Variants in SDCCAG8 observed in about 807,000 individuals in gnomAD.
SDCCAG8 encodes serologically defined colon cancer antigen 8.
In SDCCAG8, 74 loss-of-function variants were observed where a neutral mutation model predicts 101.8. The observed-to-expected ratio is 0.73, with a 90% CI of 0.60 to 0.88. The LOEUF is 0.88. Among genes scored for constraint, SDCCAG8 ranks in the 40% least tolerant of loss-of-function variants. The pLI is 0.00. For synonymous variants in SDCCAG8, 281 were observed against 292.9 expected (o/e 0.96, Z 0.41); for missense variants, 787 against 822.6 (o/e 0.96, Z 0.53).
intron 10 of SDCCAG8, among the ~76,000 whole-genome samples, chr1:243,339,543 G>A (rs1004691534): frequency 7.2e-5 from 11 of 152,242 alleles, no homozygotes; most frequent in Admixed American, 6.5e-5. Context: ...CTAATTGTAT[G>A]TGAAAATTAG....
At chr1:243,477,033 C>CACACACACACACACACAGAG (rs942231630) in intron 16 of SDCCAG8, among the ~76,000 whole-genome samples, 1 of 150,320 alleles carries the variant, frequency 6.7e-6, no homozygotes, top group African/African-American at 2.5e-5. Context: ...CACACACACA[C>CACACACACACACACACAGAG]AGAGAGAAAG....
chr1:243,349,750 A>C (rs1283555600), intron 12 of SDCCAG8, among the ~76,000 whole-genome samples: 2 of 151,798 alleles, frequency 1.3e-5, no homozygotes, highest in Non-Finnish European at 2.9e-5. Flanking sequence ...ATACCGTATG[A>C]TTTTATATTT....
chr1:243,487,522 G>T (rs1356582394), intron 16 of SDCCAG8, among the ~76,000 whole-genome samples: 1 of 152,164 alleles, frequency 6.6e-6, no homozygotes, highest in Non-Finnish European at 1.5e-5. Flanking sequence ...ACTCCTACTT[G>T]GATGGAGGAT....
intron 1 of SDCCAG8, among the ~76,000 whole-genome samples, chr1:243,262,256 C>A (rs2067252487): frequency 6.8e-6 from 1 of 148,120 alleles, no homozygotes; most frequent in Non-Finnish European, 1.5e-5. Context: ...ACAGGTGCCA[C>A]CACCACGCCC....
intron 12 of SDCCAG8, among the ~76,000 whole-genome samples, chr1:243,367,522 C>G (rs559890556): frequency 1.3e-5 from 2 of 151,894 alleles, no homozygotes; most frequent in Non-Finnish European, 2.9e-5. Context: ...TACCTTTACA[C>G]TGGTGACTTT....
chr1:243,262,459 A>G (rs776928391), intron 1 of SDCCAG8, among the ~76,000 whole-genome samples: 2 of 152,190 alleles, frequency 1.3e-5, no homozygotes, highest in African/African-American at 2.4e-5. Context: ...TTTTACTAGA[A>G]CTTAAAAGTA....
intron 10 of SDCCAG8, among the ~76,000 whole-genome samples, chr1:243,334,733 G>A (rs2074877692): frequency 6.6e-6 from 1 of 152,170 alleles, no homozygotes; most frequent in Non-Finnish European, 1.5e-5. Flanking sequence ...TGGGACTAGA[G>A]AGGTGTGCCA....
At position 243,474,087 on chromosome 1, in the gene SDCCAG8, AT is replaced by A. The variant is rs1661843169; in HGVS notation, c.1986-14924del. ...GATTTTTTTTTTCCTGTTTATTAAA[AT>A]TTGAGTCCTTCATGATCACTGACAA... On this transcript the variant is annotated intron_variant, in intron 16 of 17. Coordinates refer to ENST00000366541, the MANE Select transcript of SDCCAG8 (RefSeq NM_006642.5). This position sits in a 1 kb window ranked among gnomAD's most constrained non-coding sequence, Gnocchi z 4.7. Among the ~76,000 whole-genome samples the A allele has an allele frequency of 6.6e-6, 1 of 152,262 alleles. No individual in the cohort carries two copies. The highest frequency in any genetic ancestry group is 1.9e-4 in the East Asian group (1 of 5,182).
At chr1:243,308,329 C>A in intron 8 of SDCCAG8, 152 bp downstream of exon 8, 1 of 918,082 alleles carries the variant, frequency 1.1e-6, no homozygotes, top group Non-Finnish European at 1.7e-6. Flanking sequence ...TTCATTATAG[C>A]TTCCTTGAAG....
chr1:243,372,513 C>A (rs1350251271), intron 12 of SDCCAG8, among the ~76,000 whole-genome samples: 1 of 151,888 alleles, frequency 6.6e-6, no homozygotes, highest in Non-Finnish European at 1.5e-5. Flanking sequence ...GCATTCATTT[C>A]TTTGGATATT....
intron 2 of SDCCAG8, among the ~76,000 whole-genome samples, chr1:243,270,723 C>T (rs1444424474): frequency 1.3e-5 from 2 of 152,138 alleles, no homozygotes; most frequent in African/African-American, 4.8e-5. Context: ...CTTCTTGTAG[C>T]ACTGTGCATA....
intron 8 of SDCCAG8, among the ~76,000 whole-genome samples, 174 bp from the exon 9 acceptor site, chr1:243,316,581 G>A (rs1280827825): frequency 6.6e-6 from 1 of 152,176 alleles, no homozygotes; most frequent in Non-Finnish European, 1.5e-5. Context: ...TGCTCCGCCC[G>A]CCGCTCGCCA....
intron 13 of SDCCAG8, among the ~76,000 whole-genome samples, chr1:243,414,900 G>A (rs1329339471): frequency 1.3e-5 from 2 of 150,998 alleles, no homozygotes; most frequent in Non-Finnish European, 3.0e-5. Flanking sequence ...CACACACACT[G>A]TCAGTATCCA....
chr1:243,417,122 T>A, intron 14 of SDCCAG8, among the ~76,000 whole-genome samples: 1 of 152,214 alleles, frequency 6.6e-6, no homozygotes, highest in East Asian at 1.9e-4. Context: ...CCTCTATCAC[T>A]TTCAGTAGAG....
chr1:243,434,149 G>T (rs1393161558), intron 16 of SDCCAG8, among the ~76,000 whole-genome samples: 1 of 152,066 alleles, frequency 6.6e-6, no homozygotes, highest in Non-Finnish European at 1.5e-5. Flanking sequence ...AACCCCCTAC[G>T]GTGCAGTATT....
At chr1:243,425,362 G>T (rs1024589207) in intron 15 of SDCCAG8, among the ~76,000 whole-genome samples, 1 of 152,104 alleles carries the variant, frequency 6.6e-6, no homozygotes, top group Non-Finnish European at 1.5e-5. Context: ...TGAAGAATGA[G>T]GTGAACTAAA....
At chr1:243,484,144 G>A (rs748461947) in intron 16 of SDCCAG8, among the ~76,000 whole-genome samples, 15 of 152,222 alleles carry the variant, frequency 9.9e-5, no homozygotes, top group Admixed American at 5.2e-4. Flanking sequence ...GATCCCTCCT[G>A]CCATCCTCTG....
At chr1:243,418,148 C>A (rs1036266175) in intron 15 of SDCCAG8, 72 bp downstream of exon 15, 3 of 1,043,928 alleles carry the variant, frequency 2.9e-6, no homozygotes, top group Non-Finnish European at 1.5e-6. Context: ...TAAAAAACAT[C>A]ATTTGCACTG....
intron 12 of SDCCAG8, among the ~76,000 whole-genome samples, chr1:243,348,224 G>A (rs943964022): frequency 1.4e-5 from 1 of 71,356 alleles, no homozygotes; most frequent in Non-Finnish European, 2.8e-5. Flanking sequence ...TTTTTTTTTT[G>A]TATTTTTAGT....
Sources: gnomAD v4.1 joint callset for allele counts (sites outside exome capture counted in the v4.1 genomes callset) on GRCh38, gnomAD v4.1.1 for gene constraint, Gnocchi (gnomAD v3.1) non-coding constraint, MANE v1.5 for transcripts, NCBI Gene and HGNC (gene_info 2026-07-23, HGNC 2026-07-21) for gene names.